The following PRSS55 variants were observed in gnomAD, a reference collection of about 807,000 sequenced individuals.
PRSS55 encodes the protein serine protease 55.
PRSS55 carries 41 observed loss-of-function variants against 23.6 expected under a neutral mutation model. The ratio of observed to expected loss-of-function variants is 1.74; its 90% CI spans 1.35 to 2.26. The LOEUF is 2.26. PRSS55 is among the 30% of genes most tolerant of loss of function. PRSS55 has a pLI of 0.00. For missense variants in PRSS55, 669 were observed against 439.1 expected (o/e 1.52, Z -4.68); for synonymous variants, 262 against 175.5 (o/e 1.49, Z -3.90).
intron 4 of PRSS55, among the ~76,000 whole-genome samples, chr8:10,545,909 G>T (rs989505380): frequency 6.6e-6 from 1 of 152,282 alleles, no homozygotes; most frequent in South Asian, 2.1e-4. Flanking sequence ...TTTAGTCCTG[G>T]CTTATTGCTC....
At chr8:10,538,134 G>A (rs765630357) in intron 4 of PRSS55, among the ~76,000 whole-genome samples, 1 of 152,100 alleles carries the variant, frequency 6.6e-6, no homozygotes, top group South Asian at 2.1e-4. Context: ...CATTTGATAA[G>A]AGCCTCTCAT....
chr8:10,538,752 T>C lies in PRSS55; in HGVS notation c.1018T>C (p.Cys340Arg). 1.2e-6 allele frequency: 2 copies of C among 1,604,528 alleles called. No individual in the cohort carries two copies. Among genetic ancestry groups the C allele is most frequent in the East Asian group, 2.2e-5 (1 of 44,808 alleles). The part of the protein sequence containing the change: ...PGSPRSWLLL[C>R]PLSHVLFRAI... ...CAGCCCCAGATCCTGGCTCCTGCTCTGTCCCCTGTCCCATGTGTTGTTCAG... is the reference window on the plus strand; with the variant it reads ...CAGCCCCAGATCCTGGCTCCTGCTCCGTCCCCTGTCCCATGTGTTGTTCAG... The change falls in exon 5 of 5, where the codon TGT becomes CGT. Residue 340 changes from cysteine (C) to arginine (R), a missense_variant. Physicochemically the swap from Cys to Arg is radical, Grantham distance 180. Coordinates refer to ENST00000328655, the MANE Select transcript of PRSS55 (RefSeq NM_198464.4).
chr8:10,550,728 C>T (rs1476670885), intron 4 of PRSS55, among the ~76,000 whole-genome samples: 1 of 152,172 alleles, frequency 6.6e-6, no homozygotes, highest in Non-Finnish European at 1.5e-5. Context: ...TTTACTGTAT[C>T]AGCTTCTCCT....
intron 4 of PRSS55, among the ~76,000 whole-genome samples, chr8:10,544,222 TAC>T (rs1222799465): frequency 3.9e-5 from 6 of 152,220 alleles, no homozygotes; most frequent in Admixed American, 6.5e-5. Flanking sequence ...CACGTATGTT[TAC>T]AGTTGTTATA....
At chr8:10,551,964 G>T (rs886847385) in intron 4 of PRSS55, among the ~76,000 whole-genome samples, 1 of 152,204 alleles carries the variant, frequency 6.6e-6, no homozygotes, top group African/African-American at 2.4e-5. Context: ...AACATTGCCC[G>T]TTTGGCTAAT....
chr8:10,529,729 TCTCAGGGCGCCCACCCCTGGGGCACC>T, intron 2 of PRSS55, 30 bp downstream of exon 2: 1 of 1,593,934 alleles, frequency 6.3e-7, no homozygotes, highest in Non-Finnish European at 8.6e-7. Context: ...CACTGCCACC[TCTCAGGGCGCCCACCCCTGGGGCACC>T]CTCCCCCTCA....
chr8:10,531,386 G>C lies in PRSS55; in HGVS notation c.439G>C (p.Asp147His), dbSNP rs150449267. ...GGTCGCCAGCATCATTCTTCACAAA[G>C]ACTTTAAGAGAGCCAACATGGACAA... ...KEVASIILHK[D>H]FKRANMDNDI... Residue 147 changes from aspartate (D) to histidine (H), a missense_variant, in exon 3 of 5, where the codon GAC (aspartate) becomes CAC (histidine). Physicochemically the swap from Asp to His is moderately conservative, Grantham distance 81 (BLOSUM62 -1). Coordinates refer to ENST00000328655, the MANE Select transcript of PRSS55 (RefSeq NM_198464.4). 4 of 1,614,222 alleles carry C rather than the reference G, an allele frequency of 2.5e-6. No individual in the cohort carries two copies. The highest frequency in any genetic ancestry group is 1.1e-5 in the South Asian group (1 of 91,078).
At chr8:10,546,809 G>C (rs1321905677) in intron 4 of PRSS55, among the ~76,000 whole-genome samples, 1 of 152,000 alleles carries the variant, frequency 6.6e-6, no homozygotes, top group Non-Finnish European at 1.5e-5. Flanking sequence ...TCCACCTCCT[G>C]AGTAGCTGAT....
intron 4 of PRSS55, among the ~76,000 whole-genome samples, chr8:10,546,632 G>C (rs1812825085): frequency 6.6e-6 from 1 of 152,082 alleles, no homozygotes; most frequent in South Asian, 2.1e-4. Context: ...GTCGCACATG[G>C]AGAACTCACC....
At chr8:10,529,803 G>A (rs1349114279) in intron 2 of PRSS55, 104 bp downstream of exon 2, 13 of 1,154,720 alleles carry the variant, frequency 1.1e-5, no homozygotes, top group East Asian at 4.7e-5. Context: ...GCGACTGCTC[G>A]GTATCCAGTC....
In PRSS55 at chr8:10,531,502, A is replaced by G; in HGVS notation, c.555A>G (p.Thr185=). ...ICLPTQPGPA[T]WRECWVAGWG... is the part of the protein sequence containing the mutation. The stretch of plus-strand genomic sequence containing the variant: ...TCCCCACGCAGCCCGGCCCTGCCAC[A>G]TGGCGCGAATGCTGGGTGGCAGGTT... The change falls in exon 3 of 5, where the codon ACA becomes ACG. Residue 185 remains threonine, a synonymous_variant. Coordinates refer to ENST00000328655, the MANE Select transcript of PRSS55 (RefSeq NM_198464.4). 1 of 1,613,946 alleles carries G rather than the reference A, an allele frequency of 6.2e-7. No homozygotes were observed. Among genetic ancestry groups the G allele is most frequent in the Non-Finnish European group, 8.5e-7 (1 of 1,180,042 alleles).
chr8:10,538,438 A>G, intron 4 of PRSS55, 38 bp from the exon 5 acceptor site: 3 of 1,514,554 alleles, frequency 2.0e-6, no homozygotes, highest in Non-Finnish European at 2.7e-6. Flanking sequence ...GGCAGCTTAG[A>G]ACCGGACTCC....
At chr8:10,529,484 T>C in intron 1 of PRSS55, 23 bp from the exon 2 acceptor site, 1 of 1,612,538 alleles carries the variant, frequency 6.2e-7, no homozygotes, top group Non-Finnish European at 8.5e-7. Context: ...CCTTTTCCTT[T>C]CCACTCTCTT....
intron 4 of PRSS55, among the ~76,000 whole-genome samples, chr8:10,535,784 C>G (rs561342396): frequency 1.1e-4 from 17 of 152,304 alleles, no homozygotes; most frequent in South Asian, 1.0e-3. Context: ...ACAACCTACA[C>G]AATGGGAGAA....
intron 4 of PRSS55, among the ~76,000 whole-genome samples, chr8:10,536,812 G>A (rs1325266563): frequency 2.0e-5 from 3 of 152,180 alleles, no homozygotes; most frequent in African/African-American, 7.2e-5. Context: ...GGAACTAAAT[G>A]TTGAATACAC....
Position 10,525,600 on chromosome 8 carries a change from A to T in PRSS55, c.15A>T (p.Ser5=), listed in dbSNP as rs776572781. 54 of 1,614,002 alleles carry T rather than the reference A, an allele frequency of 3.3e-5. No homozygotes were observed. Among genetic ancestry groups the T allele is most frequent in the Non-Finnish European group, 4.5e-5 (53 of 1,179,976 alleles). MLLF[S]VLLLLSLVTG... is the part of the protein sequence containing the mutation. ...AGCCCAGGGCCATGCTCCTGTTCTC[A>T]GTGTTGCTGCTCCTGTCCCTGGTCA... The change falls in exon 1 of 5, where the codon TCA becomes TCT. Residue 5 remains serine (S), a synonymous_variant. Transcript: ENST00000328655.
chr8:10,537,443 G>C (rs1488106887), intron 4 of PRSS55, among the ~76,000 whole-genome samples: 1 of 152,124 alleles, frequency 6.6e-6, no homozygotes, highest in African/African-American at 2.4e-5. Context: ...AAAGAATGAT[G>C]GTTACCAGAG....
intron 4 of PRSS55, among the ~76,000 whole-genome samples, chr8:10,533,872 G>A (rs894404590): frequency 6.6e-6 from 1 of 152,168 alleles, no homozygotes; most frequent in Non-Finnish European, 1.5e-5. Context: ...TTATCTATCT[G>A]TTATGGTTTA....
At chr8:10,537,672 T>G (rs891149613) in intron 4 of PRSS55, among the ~76,000 whole-genome samples, 1 of 152,244 alleles carries the variant, frequency 6.6e-6, no homozygotes, top group South Asian at 2.1e-4. Flanking sequence ...ATTTAATTAC[T>G]GCACATTGTA....
Sources: allele counts gnomAD v4.1 joint callset (sites outside exome capture counted in the v4.1 genomes callset), GRCh38; gene constraint gnomAD v4.1.1; transcripts MANE v1.5; gene names NCBI Gene and HGNC (gene_info 2026-07-23, HGNC 2026-07-21).